Variants in NGEF observed in about 807,000 individuals in gnomAD.
NGEF encodes neuronal guanine nucleotide exchange factor.
In NGEF, 31 loss-of-function variants were observed where a neutral mutation model predicts 80.9. That is an observed-to-expected ratio of 0.38 (90% confidence interval 0.29 to 0.52). The LOEUF (loss-of-function observed/expected upper bound fraction) is 0.52, where lower values mean the gene tolerates loss of function less well. Ranked by LOEUF, NGEF falls within the 20% of genes least tolerant of loss-of-function variation. NGEF has a pLI of 0.84. For synonymous variants in NGEF, 371 were observed against 370.2 expected (o/e 1.00, Z -0.03); for missense variants, 709 against 926.2 (o/e 0.77, Z 3.04).
intron 1 of NGEF, among the ~76,000 whole-genome samples, chr2:232,985,186 T>C (rs1439261024): frequency 6.6e-6 from 1 of 152,222 alleles, no homozygotes; most frequent in Non-Finnish European, 1.5e-5. Flanking sequence ...ATTTGTTTTA[T>C]ATTGTCGGAA....
chr2:232,945,055 A>G (rs1027042103), intron 3 of NGEF, among the ~76,000 whole-genome samples: 1 of 152,210 alleles, frequency 6.6e-6, no homozygotes, highest in South Asian at 2.1e-4. Flanking sequence ...CCTGGCCTAT[A>G]GTTTTGACTT....
intron 3 of NGEF, among the ~76,000 whole-genome samples, chr2:232,969,448 CCCTTCCTTCCTT>C (rs78124787): frequency 5.8e-5 from 3 of 51,376 alleles, no homozygotes; most frequent in African/African-American, 1.2e-4. Context: ...TCCCTCCCTC[CCCTTCCTTCCTT>C]CCTTCCTTCC....
At chr2:232,959,979 T>TGGCTGTCCCA (rs1245886961) in intron 3 of NGEF, among the ~76,000 whole-genome samples, 2 of 152,216 alleles carry the variant, frequency 1.3e-5, no homozygotes, top group African/African-American at 4.8e-5. Context: ...ACACTTAGTG[T>TGGCTGTCCCA]GGCTGTCCCA....
At chr2:232,997,391 G>C (rs1380944289) in intron 1 of NGEF, among the ~76,000 whole-genome samples, 2 of 152,130 alleles carry the variant, frequency 1.3e-5, no homozygotes, top group African/African-American at 2.4e-5. Context: ...GGACAGGGTG[G>C]TGTGGAGACC....
chr2:232,899,720 T>G (rs111209803), intron 5 of NGEF, among the ~76,000 whole-genome samples: 3 of 136,728 alleles, frequency 2.2e-5, no homozygotes, highest in African/African-American at 8.5e-5. Flanking sequence ...TCTCAGTCAC[T>G]CATATACACG....
chr2:232,974,226 G>A (rs1574647459), intron 2 of NGEF, among the ~76,000 whole-genome samples: 1 of 152,046 alleles, frequency 6.6e-6, no homozygotes, highest in East Asian at 1.9e-4. Context: ...AGAAGCTTTG[G>A]CTATGGCAGT....
At chr2:232,921,765 C>A (rs1437712849) in intron 4 of NGEF, among the ~76,000 whole-genome samples, 2 of 152,154 alleles carry the variant, frequency 1.3e-5, no homozygotes, top group Admixed American at 6.5e-5. Flanking sequence ...AGACGTGAAC[C>A]CCTGTGCCTG....
intron 6 of NGEF, among the ~76,000 whole-genome samples, chr2:232,893,503 G>A (rs1009289903): frequency 6.6e-6 from 1 of 152,240 alleles, no homozygotes; most frequent in Non-Finnish European, 1.5e-5. Flanking sequence ...GCCAGGCGCA[G>A]TGGCTCACGC....
intron 1 of NGEF, among the ~76,000 whole-genome samples, chr2:233,004,094 C>T (rs56333833): frequency 0.021 from 3,260 of 152,246 alleles, 121 homozygotes; most frequent in African/African-American, 0.075. Flanking sequence ...TGATCTCTGT[C>T]ACGATCATGT....
chr2:232,999,012 T>C (rs1344308054), intron 1 of NGEF, among the ~76,000 whole-genome samples: 1 of 152,198 alleles, frequency 6.6e-6, no homozygotes, highest in Non-Finnish European at 1.5e-5. Flanking sequence ...CAGGGTCTCC[T>C]GGTTTGGGAC....
At chr2:232,994,230 C>T (rs567349305) in intron 1 of NGEF, among the ~76,000 whole-genome samples, 19 of 151,982 alleles carry the variant, frequency 1.3e-4, no homozygotes, top group African/African-American at 4.3e-4. Flanking sequence ...AGTAGCTGGG[C>T]GTGGTAGTGG....
At chr2:233,005,999 T>A (rs780448105) in intron 1 of NGEF, among the ~76,000 whole-genome samples, 7 of 152,304 alleles carry the variant, frequency 4.6e-5, no homozygotes, top group Admixed American at 1.3e-4. Flanking sequence ...GTATTTTTTG[T>A]AGAGACGGGG....
chr2:232,883,415 C>A lies in NGEF; in HGVS notation c.1653G>T (p.Glu551Asp), dbSNP rs752436267. Reference protein sequence around the residue: ...DSAPRGLLRVEELEDQGQTLA... With the variant: ...DSAPRGLLRVDELEDQGQTLA... The stretch of plus-strand genomic sequence containing the variant: ...GCGTCTGGCCCTGGTCCTCCAGCTC[C>A]TCCACACGCAGCAGTCCCCGCGGAG... Residue 551 changes from glutamate (E) to aspartate (D), a missense_variant, in exon 12 of 15, where the codon GAG becomes GAT. This residue lies in a region of NGEF where 426 missense variants were observed against 622.9 expected (regional missense o/e 0.68). Coordinates refer to ENST00000264051, the MANE Select transcript of NGEF (RefSeq NM_019850.3). 8 of 1,610,754 alleles carry A rather than the reference C, an allele frequency of 5.0e-6. No homozygotes were observed. The highest frequency in any genetic ancestry group is 6.8e-6 in the Non-Finnish European group (8 of 1,178,778).
intron 12 of NGEF, among the ~76,000 whole-genome samples, chr2:232,882,753 G>A (rs562967230): frequency 5.3e-5 from 8 of 152,276 alleles, no homozygotes; most frequent in Admixed American, 2.0e-4. Context: ...CGCAGGCCAC[G>A]AGGGAGTTCC....
intron 2 of NGEF, among the ~76,000 whole-genome samples, chr2:232,973,008 C>T (rs887747726): frequency 1.2e-4 from 19 of 152,216 alleles, no homozygotes; most frequent in South Asian, 6.2e-4. Context: ...CTACCCACCT[C>T]GGCCTCCCAA....
chr2:232,912,934 C>A (rs916328675), intron 5 of NGEF, among the ~76,000 whole-genome samples: 1 of 151,834 alleles, frequency 6.6e-6, no homozygotes, highest in African/African-American at 2.4e-5. Context: ...TTTTATTAAT[C>A]TTTTCAAAGA....
intron 6 of NGEF, among the ~76,000 whole-genome samples, chr2:232,893,469 AT>A (rs768246228): frequency 3.9e-5 from 6 of 152,220 alleles, no homozygotes; most frequent in Non-Finnish European, 8.8e-5. Context: ...ATACAAATAC[AT>A]AAGACAGAAG....
At chr2:232,997,663 G>A (rs1440242877) in intron 1 of NGEF, among the ~76,000 whole-genome samples, 1 of 152,074 alleles carries the variant, frequency 6.6e-6, no homozygotes, top group African/African-American at 2.4e-5. Context: ...ATCCCCTAGG[G>A]CTTCAGGCAA....
chr2:232,943,754 C>T (rs1693491489), intron 3 of NGEF, among the ~76,000 whole-genome samples: 4 of 151,172 alleles, frequency 2.6e-5, no homozygotes, highest in Admixed American at 6.6e-5. Context: ...CTCAGCCTCC[C>T]AAAGTGCTGG....
Sources: gnomAD v4.1 joint callset for allele counts (sites outside exome capture counted in the v4.1 genomes callset) on GRCh38, gnomAD v4.1.1 for gene constraint, gnomAD v4.1.1 regional missense constraint, MANE v1.5 for transcripts, NCBI Gene and HGNC (gene_info 2026-07-23, HGNC 2026-07-21) for gene names.